ADGRB3: variants seen among roughly 807,000 people sequenced by gnomAD.
ADGRB3 encodes the protein brain-specific angiogenesis inhibitor 3.
Under a neutral mutation model 193.4 loss-of-function variants are expected in ADGRB3, and 37 were observed. The ratio of observed to expected loss-of-function variants is 0.19; its 90% CI spans 0.15 to 0.25. The LOEUF (loss-of-function observed/expected upper bound fraction) is 0.25, where lower values mean the gene tolerates loss of function less well. Ranked by LOEUF, ADGRB3 falls within the 10% of genes least tolerant of loss-of-function variation. ADGRB3 has a pLI of 1.00. For missense variants in ADGRB3, 1,637 were observed against 1,852.9 expected (o/e 0.88, Z 2.14); for synonymous variants, 690 against 644.2 (o/e 1.07, Z -1.08).
intron 17 of ADGRB3, among the ~76,000 whole-genome samples, chr6:69,196,781 G>C (rs1765306340): frequency 6.6e-6 from 1 of 152,074 alleles, no homozygotes; most frequent in Non-Finnish European, 1.5e-5. Context: ...AGCAAGTAAG[G>C]TCTCTATTGT....
intron 31 of ADGRB3, among the ~76,000 whole-genome samples, chr6:69,386,351 G>A (rs1248328283): frequency 6.6e-6 from 1 of 151,996 alleles, no homozygotes; most frequent in Non-Finnish European, 1.5e-5. Context: ...AATTCTTTCA[G>A]GATTGAACTA....
intron 3 of ADGRB3, among the ~76,000 whole-genome samples, chr6:68,713,756 C>T (rs1455452900): frequency 6.6e-6 from 1 of 151,432 alleles, no homozygotes; most frequent in African/African-American, 2.4e-5. Flanking sequence ...ACTCACAACT[C>T]TCTCTATCTT....
chr6:69,070,476 A>G lies in ADGRB3; in HGVS notation c.2437-5519A>G, dbSNP rs545254476. On this transcript the variant is annotated intron_variant, in intron 16 of 31. Coordinates refer to ENST00000370598, the MANE Select transcript of ADGRB3 (RefSeq NM_001704.3). ...GTTTCAGTAGATGCATGGGAGGAATATGCTTTAATGATCTATTGCACAGAA... is the reference window on the plus strand; with the variant it reads ...GTTTCAGTAGATGCATGGGAGGAATGTGCTTTAATGATCTATTGCACAGAA... 3.9e-5 allele frequency among the ~76,000 whole-genome samples: 6 copies of G among 152,330 alleles called. No individual in the cohort carries two copies. In the South Asian group the frequency reaches 8.3e-4, roughly 21 times the overall value.
Position 69,289,063 on chromosome 6 carries a change from C to A in ADGRB3, c.2815-35809C>A, listed in dbSNP as rs1469483009. On this transcript the variant is annotated intron_variant, in intron 20 of 31. Transcript: ENST00000370598. The stretch of plus-strand genomic sequence containing the variant: ...AATGAAATAATTGGAGAGAAGGGTC[C>A]CTATCCTGAGGCTTTTTAATACAAG... Among the ~76,000 whole-genome samples the A allele has an allele frequency of 3.3e-5, 5 of 152,130 alleles. No homozygotes were observed. In the East Asian group the frequency reaches 9.7e-4, roughly 29 times the overall value.
intron 3 of ADGRB3, among the ~76,000 whole-genome samples, chr6:68,649,737 A>G (rs1768303350): frequency 6.6e-6 from 1 of 152,160 alleles, no homozygotes; most frequent in Non-Finnish European, 1.5e-5. Context: ...ACCTTGTGAT[A>G]CATTGAGAAA....
At chr6:69,165,775 A>G (rs1218685646) in intron 17 of ADGRB3, among the ~76,000 whole-genome samples, 1 of 152,092 alleles carries the variant, frequency 6.6e-6, no homozygotes, top group Admixed American at 6.6e-5. Flanking sequence ...GATTTTACAA[A>G]TGTATGAGAC....
intron 3 of ADGRB3, among the ~76,000 whole-genome samples, chr6:68,910,970 G>A (rs1276619086): frequency 6.6e-6 from 1 of 152,008 alleles, no homozygotes; most frequent in African/African-American, 2.4e-5. Flanking sequence ...GATGGGGATG[G>A]CATTGAAACT....
chr6:69,336,925 G>C (rs921694499), intron 24 of ADGRB3, among the ~76,000 whole-genome samples: 1 of 152,064 alleles, frequency 6.6e-6, no homozygotes, highest in Non-Finnish European at 1.5e-5. Flanking sequence ...TCCAGTAATA[G>C]AATGCCAAAG....
rs1561979557 is a variant in ADGRB3, at chr6:68,639,389, AG to A, written c.715del (p.Val239SerfsTer18). On this transcript the variant is annotated frameshift_variant, in exon 3 of 32. Coordinates refer to ENST00000370598, the MANE Select transcript of ADGRB3 (RefSeq NM_001704.3). LOFTEE classifies it high-confidence loss of function. ...TGACCCAGGAGCTGCAAACCACCCAAGTCTGCAATCTTACCAGGGAGGCCAA... is the reference window on the plus strand; with the variant it reads ...TGACCCAGGAGCTGCAAACCACCCAATCTGCAATCTTACCAGGGAGGCCAA... The part of the protein sequence containing the change: ...CLTQELQTTQ[V>X]CNLTREAKRP... 1 of 1,613,542 alleles carries A rather than the reference AG, an allele frequency of 6.2e-7. No homozygotes were observed. Among genetic ancestry groups the A allele is most frequent in the Non-Finnish European group, 8.5e-7 (1 of 1,179,788 alleles).
In ADGRB3 at chr6:69,286,691, A is replaced by C. The variant is rs1284234294; in HGVS notation, c.2815-38181A>C. ...CTTTTCAAAACTAGAAACTTGAATT[A>C]AAAAATAATATGGTGTTTTAAAAGT... On this transcript the variant is annotated intron_variant, in intron 20 of 31. Coordinates refer to ENST00000370598, the MANE Select transcript of ADGRB3 (RefSeq NM_001704.3). Among the ~76,000 whole-genome samples, 3 of 152,320 alleles carry C rather than the reference A, an allele frequency of 2.0e-5. No individual in the cohort carries two copies. The East Asian group carries it at 5.8e-4, about 29-fold the overall frequency.
intron 10 of ADGRB3, among the ~76,000 whole-genome samples, chr6:68,992,283 C>T (rs922003736): frequency 1.4e-4 from 22 of 152,062 alleles, no homozygotes; most frequent in African/African-American, 2.2e-4. Flanking sequence ...AGTCATGAAA[C>T]GCATGACCTG....
At chr6:69,323,888 A>G (rs1768514086) in intron 20 of ADGRB3, among the ~76,000 whole-genome samples, 1 of 152,078 alleles carries the variant, frequency 6.6e-6, no homozygotes, top group Admixed American at 6.6e-5. Context: ...GATATGGGTT[A>G]TAGTTTTATT....
chr6:68,895,998 A>G (rs773065741), intron 3 of ADGRB3, among the ~76,000 whole-genome samples: 2 of 152,090 alleles, frequency 1.3e-5, no homozygotes, highest in Non-Finnish European at 2.9e-5. Context: ...TTACAATTTC[A>G]CATGGGGAAA....
chr6:69,207,378 G>A (rs1478016499), intron 17 of ADGRB3, among the ~76,000 whole-genome samples: 1 of 152,166 alleles, frequency 6.6e-6, no homozygotes, highest in African/African-American at 2.4e-5. Flanking sequence ...AAACCCAAAT[G>A]AGGAATGTGT....
intron 8 of ADGRB3, among the ~76,000 whole-genome samples, chr6:68,964,974 G>T (rs954676959): frequency 6.6e-6 from 1 of 152,092 alleles, no homozygotes; most frequent in Non-Finnish European, 1.5e-5. Context: ...TTGACCATAG[G>T]TCCATCATCT....
chr6:69,159,015 A>ATATG (rs529095817), intron 17 of ADGRB3, among the ~76,000 whole-genome samples: 268 of 152,166 alleles, frequency 1.8e-3, no homozygotes, highest in African/African-American at 6.0e-3. Context: ...ATGCCTCATG[A>ATATG]AATTATTTTC....
intron 29 of ADGRB3, among the ~76,000 whole-genome samples, chr6:69,365,046 C>T (rs1769539198): frequency 6.6e-6 from 1 of 152,072 alleles, no homozygotes; most frequent in Admixed American, 6.6e-5. Flanking sequence ...CTGGTATTTA[C>T]TTTAGCAGGT....
intron 15 of ADGRB3, among the ~76,000 whole-genome samples, chr6:69,057,101 A>G (rs1006158985): frequency 1.3e-5 from 2 of 152,018 alleles, no homozygotes; most frequent in African/African-American, 2.4e-5. Flanking sequence ...ATAGTTTTCA[A>G]TGTATAACTC....
intron 17 of ADGRB3, among the ~76,000 whole-genome samples, chr6:69,108,937 C>A (rs754079269): frequency 6.6e-6 from 1 of 152,060 alleles, no homozygotes; most frequent in Non-Finnish European, 1.5e-5. Context: ...GTAATATTCA[C>A]CATCATGCAA....
Sources: gnomAD v4.1 joint callset for allele counts (sites outside exome capture counted in the v4.1 genomes callset) on GRCh38, gnomAD v4.1.1 for gene constraint, MANE v1.5 for transcripts, NCBI Gene and HGNC (gene_info 2026-07-23, HGNC 2026-07-21) for gene names.